The following TLN2 variants were observed in gnomAD, a reference collection of about 807,000 sequenced individuals.
TLN2 encodes the protein talin-2.
TLN2 carries 118 observed loss-of-function variants against 294.7 expected under a neutral mutation model. That is an observed-to-expected ratio of 0.40 (90% confidence interval 0.34 to 0.47). The LOEUF (loss-of-function observed/expected upper bound fraction) is 0.47, where lower values mean the gene tolerates loss of function less well. Among genes scored for constraint, TLN2 ranks in the 20% least tolerant of loss-of-function variants. TLN2 has a pLI of 0.84. For missense variants in TLN2, 3,083 were observed against 3,282.2 expected (o/e 0.94, Z 1.48); for synonymous variants, 1,431 against 1,304.5 (o/e 1.10, Z -2.09).
chr15:62,654,669 C>T lies in TLN2; in HGVS notation c.518-1275C>T, dbSNP rs185205002. 1.7e-4 allele frequency among the ~76,000 whole-genome samples: 24 copies of T among 143,454 alleles called. No individual in the cohort carries two copies. The East Asian group carries it at 3.8e-3, about 23-fold the overall frequency. The allele number at this position is 143,454 out of a possible 152,430, so 94.1% of individuals were successfully genotyped here. A position where few individuals can be genotyped will look rare whatever the true frequency, so the allele number is the denominator to read the frequency against. ...ATGCGGGAGACTGAGGCAGGAGAAT[C>T]GCTTGAACCCGGGAGGTGGAGGTTG... On this transcript the variant is annotated intron_variant, in intron 7 of 58. Coordinates refer to ENST00000636159, the MANE Select transcript of TLN2 (RefSeq NM_015059.3).
chr15:62,617,900 GA>G (rs1352096551), intron 2 of TLN2, among the ~76,000 whole-genome samples: 1 of 151,546 alleles, frequency 6.6e-6, no homozygotes, highest in Non-Finnish European at 1.5e-5. Flanking sequence ...AGTCCTTTCT[GA>G]AAAGAAAGAA....
chr15:62,772,579 A>G (rs2063413119), intron 42 of TLN2, among the ~76,000 whole-genome samples: 2 of 152,080 alleles, frequency 1.3e-5, no homozygotes, highest in African/African-American at 4.8e-5. Context: ...TCTCCAGGCT[A>G]TTGACTGCCA....
At chr15:62,512,062 A>G (rs1205999070) in intron 1 of TLN2, among the ~76,000 whole-genome samples, 2 of 152,168 alleles carry the variant, frequency 1.3e-5, no homozygotes, top group African/African-American at 4.8e-5. Context: ...TTACTTCTTC[A>G]GTCACAAAGT....
At chr15:62,840,217 C>T (rs2070469591) in intron 58 of TLN2, among the ~76,000 whole-genome samples, 1 of 152,166 alleles carries the variant, frequency 6.6e-6, no homozygotes, top group East Asian at 1.9e-4. Context: ...GTGTTTGCAC[C>T]AGAGCCTGGT....
chr15:62,564,387 C>G lies in TLN2; in HGVS notation c.-237-25300C>G, dbSNP rs575508838. ...ACAGGAACGGCTTTCAGAATTATCC[C>G]TGGTAGAGCTGACCTTTTCACACAT... On this transcript the variant is annotated intron_variant, in intron 1 of 58. Transcript: ENST00000636159. Among the ~76,000 whole-genome samples the G allele has an allele frequency of 3.9e-5, 6 of 152,250 alleles. No individual in the cohort carries two copies. In the East Asian group the frequency reaches 1.2e-3, roughly 29 times the overall value.
At chr15:62,619,286 G>A (rs1022640039) in intron 3 of TLN2, among the ~76,000 whole-genome samples, 1 of 152,218 alleles carries the variant, frequency 6.6e-6, no homozygotes. Flanking sequence ...AGAGTGAGGC[G>A]CTGGAGAAGC....
chr15:62,713,776 G>A (rs1459083207), intron 22 of TLN2, among the ~76,000 whole-genome samples: 4 of 151,998 alleles, frequency 2.6e-5, no homozygotes, highest in African/African-American at 9.7e-5. Context: ...AGTTCTTAGA[G>A]ACACCTCGTG....
At chr15:62,583,507 T>TG (rs2045322875) in intron 1 of TLN2, among the ~76,000 whole-genome samples, 1 of 152,112 alleles carries the variant, frequency 6.6e-6, no homozygotes. Flanking sequence ...TTTTTTTGTT[T>TG]TTTTTTGGAT....
chr15:62,633,025 T>C (rs2050057216), intron 3 of TLN2, among the ~76,000 whole-genome samples: 2 of 152,216 alleles, frequency 1.3e-5, no homozygotes, highest in Non-Finnish European at 2.9e-5. Flanking sequence ...AATGCTAACA[T>C]AGTCTCTTCC....
At chr15:62,732,374 C>T (rs1350887097) in intron 28 of TLN2, among the ~76,000 whole-genome samples, 1 of 152,008 alleles carries the variant, frequency 6.6e-6, no homozygotes, top group East Asian at 1.9e-4. Flanking sequence ...GTGAGCACTG[C>T]ATGTATGATG....
Position 62,803,286 on chromosome 15 carries a change from A to G in TLN2, c.6478-2314A>G, listed in dbSNP as rs188823365. Among the ~76,000 whole-genome samples, 243 of 152,238 alleles carry G rather than the reference A, an allele frequency of 1.6e-3. 3 individuals are homozygous for G. Among genetic ancestry groups the G allele is most frequent in the African/African-American group, 5.7e-3 (237 of 41,522 alleles). ...TGACCTTTGGGAGTTTGATTATTAA[A>G]TTCCTTGCAGTAGTCTTCTTTGGGT... is the stretch of plus-strand genomic sequence containing the variant. On this transcript the variant is annotated intron_variant, in intron 50 of 58. Coordinates refer to ENST00000636159, the MANE Select transcript of TLN2 (RefSeq NM_015059.3).
At chr15:62,782,438 A>G (rs912232798) in intron 44 of TLN2, among the ~76,000 whole-genome samples, 2 of 152,232 alleles carry the variant, frequency 1.3e-5, no homozygotes. Context: ...GTGCAGCAGC[A>G]GTCATGTTTG....
intron 51 of TLN2, among the ~76,000 whole-genome samples, chr15:62,806,606 A>G (rs1161999753): frequency 3.3e-5 from 5 of 152,196 alleles, no homozygotes; most frequent in Non-Finnish European, 5.9e-5. Context: ...CCTTAGGTAG[A>G]TAGTTGGAGC....
At chr15:62,606,248 A>ATTTTTTTT (rs771750764) in intron 2 of TLN2, among the ~76,000 whole-genome samples, 1,920 of 136,600 alleles carry the variant, frequency 0.014, 37 homozygotes, top group South Asian at 0.054. Context: ...TGCTTGGCTA[A>ATTTTTTTT]TTTTTTTTTT....
chr15:62,824,185 A>G, intron 54 of TLN2: 1 of 323,516 alleles, frequency 3.1e-6, no homozygotes, highest in South Asian at 2.5e-5. Flanking sequence ...CTGTATCAGT[A>G]TTACTGGATT....
intron 1 of TLN2, among the ~76,000 whole-genome samples, chr15:62,400,062 A>G (rs1488796821): frequency 6.6e-6 from 1 of 152,210 alleles, no homozygotes; most frequent in African/African-American, 2.4e-5. Flanking sequence ...TTATTGAATT[A>G]TGGGGGCGGT....
chr15:62,738,171 A>T, intron 29 of TLN2, 43 bp from the exon 30 acceptor site: 1 of 1,606,388 alleles, frequency 6.2e-7, no homozygotes, highest in Non-Finnish European at 8.5e-7. Flanking sequence ...AATGTGCAGA[A>T]ATGTTTGTAC....
intron 19 of TLN2, among the ~76,000 whole-genome samples, chr15:62,705,390 A>G (rs1233615379): frequency 1.3e-5 from 2 of 152,254 alleles, no homozygotes; most frequent in Non-Finnish European, 2.9e-5. Context: ...CCCATAGTTA[A>G]CAAAGATTTA....
chr15:62,743,652 A>G (rs940039272), intron 32 of TLN2, among the ~76,000 whole-genome samples: 4 of 151,926 alleles, frequency 2.6e-5, no homozygotes, highest in African/African-American at 9.7e-5. Context: ...TTTTCCCCCA[A>G]CCAGGGGCTG....
Sources: allele counts gnomAD v4.1 joint callset (sites outside exome capture counted in the v4.1 genomes callset), GRCh38; gene constraint gnomAD v4.1.1; transcripts MANE v1.5; gene names NCBI Gene and HGNC (gene_info 2026-07-23, HGNC 2026-07-21).